Variants in SGCD observed in about 807,000 individuals in gnomAD.
The protein encoded by SGCD is delta-sarcoglycan.
SGCD carries 18 observed loss-of-function variants against 36.6 expected under a neutral mutation model. The observed-to-expected ratio is 0.49, with a 90% CI of 0.34 to 0.73. The LOEUF is 0.73. Ranked by LOEUF, SGCD falls within the 30% of genes least tolerant of loss-of-function variation. The probability of loss-of-function intolerance (pLI) is 0.01; values close to 1 mark genes in which losing one functional copy is unlikely to be tolerated. For synonymous variants in SGCD, 133 were observed against 130.6 expected, an observed-to-expected ratio of 1.02 and a Z score of -0.12; for missense variants, 387 against 346.7, an observed-to-expected ratio of 1.12 and a Z score of -0.92.
At chr5:156,520,204 C>T (rs529710777) in intron 4 of SGCD, among the ~76,000 whole-genome samples, 1 of 152,286 alleles carries the variant, frequency 6.6e-6, no homozygotes, top group Admixed American at 6.5e-5. Flanking sequence ...AAATCACGAG[C>T]ATTCCTATAC....
At chr5:156,524,815 A>G (rs1345922007) in intron 4 of SGCD, among the ~76,000 whole-genome samples, 1 of 152,058 alleles carries the variant, frequency 6.6e-6, no homozygotes, top group Non-Finnish European at 1.5e-5. Flanking sequence ...AAAATTCTAC[A>G]TAAAAGTGAG....
chr5:155,880,183 T>C lies in SGCD; in HGVS notation c.-282+9759T>C, dbSNP rs145973949. On this transcript the variant is annotated intron_variant, in intron 1 of 9. Transcript: ENST00000517913. The stretch of plus-strand genomic sequence containing the variant: ...CCCTCCTGATTTCAGTTTTGTACCT[T>C]TAAAGTGAGAATAAGTTTACATCAG... Among the ~76,000 whole-genome samples, 3 of 152,236 alleles carry C rather than the reference T, an allele frequency of 2.0e-5. No individual in the cohort carries two copies. The East Asian group carries it at 5.8e-4, about 29-fold the overall frequency.
intron 7 of SGCD, among the ~76,000 whole-genome samples, chr5:156,741,416 G>A (rs969211730): frequency 2.0e-5 from 3 of 152,148 alleles, no homozygotes; most frequent in Admixed American, 1.3e-4. Context: ...AGACTTCCAA[G>A]TACAGCCAGG....
rs375289427 is a variant in SGCD, at chr5:156,295,634, G to T, written c.-43-33900G>T. 4.6e-5 allele frequency among the ~76,000 whole-genome samples: 7 copies of T among 152,288 alleles called. No individual in the cohort carries two copies. The South Asian group carries it at 8.3e-4, about 18-fold the overall frequency. Reference sequence around the variant, plus strand: ...GCACTGGCAGGGATCCAGGGGATTTGCTAGTGGATGATTACAATGTGCTTT... The same window carrying T: ...GCACTGGCAGGGATCCAGGGGATTTTCTAGTGGATGATTACAATGTGCTTT... On this transcript the variant is annotated intron_variant, in intron 3 of 9. Transcript: ENST00000517913.
intron 3 of SGCD, among the ~76,000 whole-genome samples, chr5:156,503,286 G>A (rs1756534368): frequency 6.6e-6 from 1 of 152,278 alleles, no homozygotes; most frequent in Middle Eastern, 3.4e-3. Flanking sequence ...CACAGCACAT[G>A]ATTATACACA....
chr5:156,609,333 G>A (rs554263422), intron 6 of SGCD, among the ~76,000 whole-genome samples: 1 of 152,082 alleles, frequency 6.6e-6, no homozygotes, highest in Non-Finnish European at 1.5e-5. Flanking sequence ...TGAGATGCTG[G>A]GTTGAAAATT....
In SGCD at chr5:156,712,845, C is replaced by T. The variant is rs545082119; in HGVS notation, c.576-44736C>T. ...TCCCACCCACTGTCTATCAATCAAT[C>T]ACCTCACTTTTCCTTTCATTGCACT... On this transcript the variant is annotated intron_variant, in intron 7 of 8. Coordinates refer to ENST00000337851, the MANE Select transcript of SGCD (RefSeq NM_000337.6). Among the ~76,000 whole-genome samples, 4 of 152,290 alleles carry T rather than the reference C, an allele frequency of 2.6e-5. No individual in the cohort carries two copies. In the South Asian group the frequency reaches 8.3e-4, roughly 32 times the overall value.
intron 1 of SGCD, among the ~76,000 whole-genome samples, chr5:156,024,582 C>T (rs1759183870): frequency 6.6e-6 from 1 of 151,994 alleles, no homozygotes; most frequent in African/African-American, 2.4e-5. Flanking sequence ...TCAAAATGCT[C>T]CAGTTATGGT....
intron 3 of SGCD, among the ~76,000 whole-genome samples, chr5:156,381,432 C>G (rs113354872): frequency 1.3e-5 from 2 of 152,132 alleles, no homozygotes; most frequent in Non-Finnish European, 2.9e-5. Flanking sequence ...ATACGAATCT[C>G]GAGCTCTACC....
At chr5:156,438,739 A>G (rs986448343) in intron 3 of SGCD, among the ~76,000 whole-genome samples, 2 of 152,134 alleles carry the variant, frequency 1.3e-5, no homozygotes, top group African/African-American at 2.4e-5. Context: ...AACATTTTTG[A>G]AAGTCTTTTG....
At chr5:155,812,201 A>T in the SGCD span, among the ~76,000 whole-genome samples, 137 of 152,338 alleles carry the variant, frequency 9.0e-4, 2 homozygotes, top group East Asian at 0.018. Context: ...TTATAGCCCT[A>T]TGTTATACAT....
At chr5:156,081,370 G>T (rs1760947077) in intron 1 of SGCD, among the ~76,000 whole-genome samples, 1 of 152,020 alleles carries the variant, frequency 6.6e-6, no homozygotes, top group African/African-American at 2.4e-5. Context: ...CATGAGATTT[G>T]GTGTAGACAT....
the SGCD span, among the ~76,000 whole-genome samples, chr5:155,801,438 C>T: frequency 6.6e-6 from 1 of 152,138 alleles, no homozygotes; most frequent in African/African-American, 2.4e-5. Context: ...TCCAACTTTG[C>T]TGGGTTTTAT....
At chr5:156,380,706 A>G (rs763453876) in intron 3 of SGCD, among the ~76,000 whole-genome samples, 2 of 152,234 alleles carry the variant, frequency 1.3e-5, no homozygotes, top group Non-Finnish European at 2.9e-5. Context: ...TGGTTTGCTC[A>G]TCTGTAAAAT....
the SGCD span, among the ~76,000 whole-genome samples, chr5:155,729,300 G>T: frequency 5.9e-5 from 9 of 152,228 alleles, no homozygotes; most frequent in Non-Finnish European, 1.3e-4. Flanking sequence ...CAGCATAAGC[G>T]CTTAGAGATC....
chr5:156,230,385 G>A (rs992950526), intron 3 of SGCD, among the ~76,000 whole-genome samples: 3 of 152,156 alleles, frequency 2.0e-5, no homozygotes, highest in African/African-American at 7.2e-5. Flanking sequence ...CCTCAATGTG[G>A]TACTCTCCTC....
chr5:155,951,930 C>T (rs1044773724), intron 1 of SGCD, among the ~76,000 whole-genome samples: 17 of 152,314 alleles, frequency 1.1e-4, no homozygotes, highest in African/African-American at 4.1e-4. Context: ...GACCACAAAT[C>T]AGAACAGTCT....
chr5:156,716,122 C>T (rs541166760), intron 7 of SGCD, among the ~76,000 whole-genome samples: 1 of 152,238 alleles, frequency 6.6e-6, no homozygotes, highest in South Asian at 2.1e-4. Context: ...CCTGATCAGC[C>T]TCTGAGCTAC....
chr5:156,594,873 T>C, intron 5 of SGCD, 59 bp from the exon 6 acceptor site: 1 of 1,168,570 alleles, frequency 8.6e-7, no homozygotes, highest in Non-Finnish European at 1.3e-6. Context: ...ACTAATGGTG[T>C]TTTCTCTCTC....
Sources: gnomAD v4.1 joint callset for allele counts (sites outside exome capture counted in the v4.1 genomes callset) on GRCh38, gnomAD v4.1.1 for gene constraint, MANE v1.5 for transcripts, NCBI Gene and HGNC (gene_info 2026-07-23, HGNC 2026-07-21) for gene names.